PPARGC1A: variants seen among roughly 807,000 people sequenced by gnomAD.
PPARGC1A encodes the protein PPARG coactivator 1 alpha, also known as peroxisome proliferator-activated receptor gamma coactivator 1-alpha.
PPARGC1A carries 25 observed loss-of-function variants against 88.7 expected under a neutral mutation model. That is an observed-to-expected ratio of 0.28 (90% CI 0.21 to 0.39). The LOEUF is 0.39. Ranked by LOEUF, PPARGC1A falls within the 10% of genes least tolerant of loss-of-function variation. PPARGC1A has a pLI of 1.00. For missense variants in PPARGC1A, 880 were observed against 968.7 expected (o/e 0.91, Z 1.22); for synonymous variants, 363 against 355.6 (o/e 1.02, Z -0.24).
chr4:23,889,063 C>G (rs1301813260), intron 1 of PPARGC1A: 1 of 985,236 alleles, frequency 1.0e-6, no homozygotes, highest in South Asian at 4.7e-5. Flanking sequence ...CCAGAGATTA[C>G]GAGGAAACTG....
chr4:24,008,124 C>G, the PPARGC1A span, among the ~76,000 whole-genome samples: 1 of 152,238 alleles, frequency 6.6e-6, no homozygotes, highest in South Asian at 2.1e-4. Context: ...GAGAACACAG[C>G]CCACACGGTC....
chr4:24,050,386 C>A, the PPARGC1A span, among the ~76,000 whole-genome samples: 1 of 151,708 alleles, frequency 6.6e-6, no homozygotes, highest in African/African-American at 2.4e-5. Context: ...TTAGTAGAGA[C>A]GGGGTTTCAT....
At chr4:24,303,338 G>A in the PPARGC1A span, among the ~76,000 whole-genome samples, 262 of 152,272 alleles carry the variant, frequency 1.7e-3, no homozygotes, top group African/African-American at 5.9e-3. Context: ...CACAACACAC[G>A]CAGTACATCT....
the PPARGC1A span, among the ~76,000 whole-genome samples, chr4:24,280,524 AAGGGAAAGGAAGGC>A: frequency 4.6e-5 from 7 of 152,270 alleles, no homozygotes; most frequent in Non-Finnish European, 8.8e-5. Context: ...GGGAGGAAAG[AAGGGAAAGGAAGGC>A]AGAGAAAGAG....
intron 2 of PPARGC1A, among the ~76,000 whole-genome samples, chr4:23,843,716 A>G (rs973140073): frequency 2.0e-5 from 3 of 152,016 alleles, no homozygotes; most frequent in Non-Finnish European, 4.4e-5. Context: ...AAAAATTCCT[A>G]CAATTTGTAT....
At chr4:24,450,057 T>C in the PPARGC1A span, among the ~76,000 whole-genome samples, 12 of 152,360 alleles carry the variant, frequency 7.9e-5, no homozygotes, top group African/African-American at 2.9e-4. Flanking sequence ...ATAAATGTGT[T>C]GTTCCTAGAA....
the PPARGC1A span, among the ~76,000 whole-genome samples, chr4:24,173,259 A>G: frequency 3.3e-5 from 5 of 151,854 alleles, no homozygotes; most frequent in Admixed American, 6.6e-5. Context: ...GTTATTCAAC[A>G]TGGAGGTGAA....
At chr4:24,339,059 C>T in the PPARGC1A span, among the ~76,000 whole-genome samples, 1 of 152,010 alleles carries the variant, frequency 6.6e-6, no homozygotes, top group Non-Finnish European at 1.5e-5. Flanking sequence ...TCCCTCCCGT[C>T]ATGTCCTGGT....
chr4:24,463,043 C>T, the PPARGC1A span, among the ~76,000 whole-genome samples: 2 of 152,020 alleles, frequency 1.3e-5, no homozygotes, highest in African/African-American at 4.8e-5. Flanking sequence ...TTTCCATTCC[C>T]TCCTGCAGCT....
chr4:24,059,526 T>C, the PPARGC1A span, among the ~76,000 whole-genome samples: 2 of 152,190 alleles, frequency 1.3e-5, no homozygotes, highest in South Asian at 2.1e-4. Flanking sequence ...GAGTCTCTTA[T>C]GTGCGTGAGA....
At chr4:24,349,866 C>T in the PPARGC1A span, among the ~76,000 whole-genome samples, 19 of 152,212 alleles carry the variant, frequency 1.2e-4, no homozygotes, top group Non-Finnish European at 2.2e-4. Context: ...TAGAGAATTC[C>T]TTCTCCCTGT....
At position 23,801,747 on chromosome 4, in the gene PPARGC1A, G is replaced by C. The variant is rs772893142; in HGVS notation, c.2276C>G (p.Ser759Cys). The C allele has an allele frequency of 6.2e-7, 1 of 1,613,866 alleles. No homozygotes were observed. Among genetic ancestry groups the C allele is most frequent in the Non-Finnish European group, 8.5e-7 (1 of 1,179,952 alleles). The change falls in exon 12 of 13, where the codon TCT (serine) becomes TGT (cysteine). Residue 759 changes from serine (S) to cysteine (C), a missense_variant. Physicochemically the swap from Ser to Cys is moderately radical, Grantham distance 112 (BLOSUM62 -1). Transcript: ENST00000264867. Reference protein sequence around the residue: ...YFCGRKQFFKSNYADLDSNSD... With the variant: ...YFCGRKQFFKCNYADLDSNSD... ...ATCCATACCTAGGTCTGCATAGTTAGACTTGAAAAATTGCTTGCGTCCACA... is the reference window on the plus strand; with the variant it reads ...ATCCATACCTAGGTCTGCATAGTTACACTTGAAAAATTGCTTGCGTCCACA...
At chr4:24,051,187 C>CAAAAAAAAAA in the PPARGC1A span, among the ~76,000 whole-genome samples, 2 of 58,614 alleles carry the variant, frequency 3.4e-5, no homozygotes, top group African/African-American at 1.4e-4. Flanking sequence ...GACTCTGTCT[C>CAAAAAAAAAA]AAAAAAAAAA....
the PPARGC1A span, among the ~76,000 whole-genome samples, chr4:24,247,333 T>A: frequency 6.6e-6 from 1 of 152,312 alleles, no homozygotes; most frequent in East Asian, 1.9e-4. Context: ...GCTTCCATGA[T>A]ATACTTTAAA....
the PPARGC1A span, among the ~76,000 whole-genome samples, chr4:24,219,426 C>G: frequency 6.6e-6 from 1 of 152,220 alleles, no homozygotes; most frequent in East Asian, 1.9e-4. Context: ...CTCCGTCATA[C>G]TGGGCTCTAG....
chr4:23,836,412 C>T (rs1726022429), intron 2 of PPARGC1A, among the ~76,000 whole-genome samples: 1 of 152,154 alleles, frequency 6.6e-6, no homozygotes, highest in Admixed American at 6.5e-5. Flanking sequence ...GACTGTAACA[C>T]CTTATTCTCT....
the PPARGC1A span, among the ~76,000 whole-genome samples, chr4:24,204,032 G>A: frequency 1.3e-5 from 2 of 152,178 alleles, no homozygotes; most frequent in African/African-American, 4.8e-5. Flanking sequence ...GCCTCTGCCT[G>A]AAAATGAGAT....
intron 1 of PPARGC1A, chr4:23,889,462 G>T: frequency 1.3e-6 from 1 of 750,530 alleles, no homozygotes; most frequent in Non-Finnish European, 1.6e-6. Flanking sequence ...GAAAAATCCG[G>T]ACTAGAGTCA....
chr4:24,406,080 T>G, the PPARGC1A span, among the ~76,000 whole-genome samples: 1 of 152,264 alleles, frequency 6.6e-6, no homozygotes, highest in Non-Finnish European at 1.5e-5. Context: ...TCTTTGTCCA[T>G]GGGAAAGGCA....
Sources: gnomAD v4.1 joint callset for allele counts (sites outside exome capture counted in the v4.1 genomes callset) on GRCh38, gnomAD v4.1.1 for gene constraint, MANE v1.5 for transcripts, NCBI Gene and HGNC (gene_info 2026-07-23, HGNC 2026-07-21) for gene names.